MNAT1: variants seen among roughly 807,000 people sequenced by gnomAD.
The protein encoded by MNAT1 is CDK-activating kinase assembly factor MAT1.
A neutral mutation model predicts 42.0 loss-of-function variants in MNAT1; 43 were observed. The observed-to-expected ratio is 1.02, with a 90% CI of 0.80 to 1.32. MNAT1 has a LOEUF of 1.32. Ranked by LOEUF, MNAT1 falls within the 40% of genes most tolerant of loss-of-function variation. MNAT1 has a pLI of 0.00. For synonymous variants in MNAT1, 118 were observed against 120.0 expected, an observed-to-expected ratio of 0.98 and a Z score of 0.11; for missense variants, 306 against 350.4, an observed-to-expected ratio of 0.87 and a Z score of 1.01.
At chr14:60,766,633 AC>A (rs1366853908) in intron 1 of MNAT1, among the ~76,000 whole-genome samples, 1 of 151,044 alleles carries the variant, frequency 6.6e-6, no homozygotes, top group Non-Finnish European at 1.5e-5. Flanking sequence ...AATTGCTTGA[AC>A]CCGGGAGGCA....
At chr14:60,739,173 T>C (rs910465109) in intron 1 of MNAT1, among the ~76,000 whole-genome samples, 1 of 151,808 alleles carries the variant, frequency 6.6e-6, no homozygotes, top group African/African-American at 2.4e-5. Context: ...GTAAGGAAGA[T>C]TGGAGAGATG....
intron 6 of MNAT1, among the ~76,000 whole-genome samples, chr14:60,853,320 G>A (rs779111868): frequency 6.6e-6 from 1 of 152,068 alleles, no homozygotes; most frequent in African/African-American, 2.4e-5. Flanking sequence ...GTGAATGGGA[G>A]TTCACTCATG....
At chr14:60,959,922 T>G (rs1387414664) in intron 7 of MNAT1, among the ~76,000 whole-genome samples, 2 of 2,076 alleles carry the variant, frequency 9.6e-4, no homozygotes, top group African/African-American at 1.1e-3. Flanking sequence ...GTTTTTATGT[T>G]TTTTTTTTTT....
chr14:60,966,038 A>G (rs1333750437), intron 7 of MNAT1, among the ~76,000 whole-genome samples: 1 of 152,190 alleles, frequency 6.6e-6, no homozygotes, highest in Non-Finnish European at 1.5e-5. Context: ...AGTAATAAGC[A>G]GATAACTTTA....
chr14:60,886,724 T>C (rs1345898617), intron 7 of MNAT1, among the ~76,000 whole-genome samples: 2 of 152,124 alleles, frequency 1.3e-5, no homozygotes, highest in Non-Finnish European at 2.9e-5. Flanking sequence ...GTCTGTTTTC[T>C]ATCTTGCTAC....
chr14:60,901,920 A>G (rs2035080378), intron 7 of MNAT1, among the ~76,000 whole-genome samples: 2 of 152,218 alleles, frequency 1.3e-5, no homozygotes, highest in South Asian at 2.1e-4. Context: ...ATATAAACTG[A>G]GCTGATAAAG....
intron 7 of MNAT1, among the ~76,000 whole-genome samples, chr14:60,923,822 TA>T (rs1001661098): frequency 6.6e-6 from 1 of 151,766 alleles, no homozygotes; most frequent in Non-Finnish European, 1.5e-5. Flanking sequence ...CCACAAAAAA[TA>T]AAAAAAATTA....
intron 7 of MNAT1, 129 bp downstream of exon 7, chr14:60,879,964 A>G: frequency 1.0e-6 from 1 of 954,914 alleles, no homozygotes; most frequent in Non-Finnish European, 1.5e-6. Context: ...AATGAACAGT[A>G]CTCAATACCA....
intron 7 of MNAT1, among the ~76,000 whole-genome samples, chr14:60,889,969 G>A (rs2139484013): frequency 6.6e-6 from 1 of 152,360 alleles, no homozygotes; most frequent in African/African-American, 2.4e-5. Context: ...TGGAGAGGAT[G>A]TGGAGAAATA....
chr14:60,933,618 T>C (rs980015054), intron 7 of MNAT1, among the ~76,000 whole-genome samples: 1 of 152,196 alleles, frequency 6.6e-6, no homozygotes, highest in Non-Finnish European at 1.5e-5. Flanking sequence ...GAAAATGAGA[T>C]GTCCTTCCTT....
chr14:60,968,559 A>C lies in MNAT1; in HGVS notation c.*210A>C. 7.5e-7 allele frequency: 1 copy of C among 1,330,908 alleles called. No homozygotes were observed. Among genetic ancestry groups the C allele is most frequent in the Non-Finnish European group, 1.0e-6 (1 of 996,998 alleles). The allele number at this position is 1,330,908 out of a possible 1,614,324, so 82.4% of individuals were successfully genotyped here. On this transcript the variant is annotated 3_prime_UTR_variant, in exon 8 of 8. Transcript: ENST00000261245. ...AATAATTTTTACTTATATTTTTCAG[A>C]GGATTTGACACGATAAGCCTCATCT... is the stretch of plus-strand genomic sequence containing the variant.
intron 1 of MNAT1, among the ~76,000 whole-genome samples, chr14:60,793,388 A>G (rs1055176783): frequency 6.6e-6 from 1 of 151,608 alleles, no homozygotes; most frequent in Non-Finnish European, 1.5e-5. Flanking sequence ...TTTTGGATAT[A>G]GGTCTTGCTT....
intron 1 of MNAT1, among the ~76,000 whole-genome samples, chr14:60,765,768 C>T (rs891300683): frequency 6.6e-6 from 1 of 152,130 alleles, no homozygotes; most frequent in Non-Finnish European, 1.5e-5. Context: ...TCTAGGCAAT[C>T]TAAGACATAC....
At chr14:60,784,342 A>AT (rs571413726) in intron 1 of MNAT1, among the ~76,000 whole-genome samples, 5,347 of 138,460 alleles carry the variant, frequency 0.039, 100 homozygotes, top group Middle Eastern at 0.065. Context: ...AACTAAAAAC[A>AT]TTTTTTTTTT....
At position 60,817,684 on chromosome 14, in the gene MNAT1, T is replaced by A. The variant is rs1283011514; in HGVS notation, c.562-1038T>A. On this transcript the variant is annotated intron_variant, in intron 5 of 7. Coordinates refer to ENST00000261245, the MANE Select transcript of MNAT1 (RefSeq NM_002431.4). ...GCTAGATTTGGAAAGAAAATTAAAA[T>A]CTGTATGTTTGCTTTGTGCTGTGAA... Among the ~76,000 whole-genome samples the A allele has an allele frequency of 5.9e-5, 9 of 152,174 alleles. No homozygotes were observed. In the South Asian group the frequency reaches 1.0e-3, roughly 17 times the overall value.
intron 1 of MNAT1, among the ~76,000 whole-genome samples, chr14:60,765,419 G>A (rs1044766795): frequency 6.6e-6 from 1 of 152,192 alleles, no homozygotes; most frequent in African/African-American, 2.4e-5. Context: ...AATACCTGAT[G>A]TAGATGACAG....
intron 1 of MNAT1, among the ~76,000 whole-genome samples, chr14:60,782,265 C>T (rs1043266011): frequency 6.6e-6 from 1 of 151,942 alleles, no homozygotes. Flanking sequence ...GGCCATTTCC[C>T]CAATTTTCCA....
intron 6 of MNAT1, among the ~76,000 whole-genome samples, chr14:60,836,021 C>T (rs112288318): frequency 3.9e-5 from 6 of 152,202 alleles, no homozygotes; most frequent in African/African-American, 1.2e-4. Context: ...TCCCCTTGAT[C>T]GATTTGGTTA....
At chr14:60,751,291 G>A (rs892060795) in intron 1 of MNAT1, among the ~76,000 whole-genome samples, 1 of 151,926 alleles carries the variant, frequency 6.6e-6, no homozygotes, top group African/African-American at 2.4e-5. Context: ...ATGCAACTGG[G>A]TTGTAACTCA....
Sources: gnomAD v4.1 joint callset for allele counts (sites outside exome capture counted in the v4.1 genomes callset) on GRCh38, gnomAD v4.1.1 for gene constraint, MANE v1.5 for transcripts, NCBI Gene and HGNC (gene_info 2026-07-23, HGNC 2026-07-21) for gene names.